Variants in PHLDB3 observed in about 807,000 individuals in gnomAD.
PHLDB3 encodes pleckstrin homology-like domain family B member 3.
PHLDB3 carries 86 observed loss-of-function variants against 85.7 expected under a neutral mutation model. That is an observed-to-expected ratio of 1.00 (90% CI 0.84 to 1.20). PHLDB3 has a LOEUF of 1.20. Among genes scored for constraint, PHLDB3 ranks in the 50% most tolerant of loss-of-function variants. The pLI, the probability that PHLDB3 is intolerant of heterozygous loss-of-function variation, is 0.00. For synonymous variants in PHLDB3, 376 were observed against 349.8 expected, an observed-to-expected ratio of 1.07 and a Z score of -0.83; for missense variants, 995 against 873.0, an observed-to-expected ratio of 1.14 and a Z score of -1.76.
intron 6 of PHLDB3, chr19:43,496,260 C>G (rs1332048028): frequency 6.6e-6 from 1 of 152,200 alleles, no homozygotes; most frequent in African/African-American, 2.4e-5. Context: ...GGTCATCTGC[C>G]TGCCTCGGCC....
chr19:43,479,659 G>A (rs1218879299), intron 13 of PHLDB3, 66 bp from the exon 14 acceptor site: 25 of 1,167,606 alleles, frequency 2.1e-5, no homozygotes, highest in Non-Finnish European at 2.8e-5. Flanking sequence ...GGAGCCCCTC[G>A]AGGGGAGCAA....
intron 9 of PHLDB3, among the ~76,000 whole-genome samples, chr19:43,488,393 G>T (rs1184404877): frequency 6.6e-6 from 1 of 152,046 alleles, no homozygotes; most frequent in Non-Finnish European, 1.5e-5. Context: ...GGAGGTCAAG[G>T]TTGCAGGGAG....
At chr19:43,501,901 C>T in intron 3 of PHLDB3, 30 bp from the exon 4 acceptor site, 1 of 1,559,596 alleles carries the variant, frequency 6.4e-7, no homozygotes, top group Non-Finnish European at 8.7e-7. Context: ...GCTGGGGGCT[C>T]GGACGCCTAG....
intron 13 of PHLDB3, among the ~76,000 whole-genome samples, chr19:43,480,925 C>A (rs1447466170): frequency 6.6e-6 from 1 of 152,132 alleles, no homozygotes; most frequent in Non-Finnish European, 1.5e-5. Flanking sequence ...CTGGTCTGAT[C>A]CAACCTATTC....
chr19:43,482,440 G>C (rs1047875343), intron 13 of PHLDB3, among the ~76,000 whole-genome samples: 1 of 152,198 alleles, frequency 6.6e-6, no homozygotes, highest in Non-Finnish European at 1.5e-5. Flanking sequence ...GATAGCAGGG[G>C]TGTACGGCAG....
intron 4 of PHLDB3, 60 bp downstream of exon 4, chr19:43,501,674 C>T: frequency 1.3e-6 from 2 of 1,553,536 alleles, no homozygotes; most frequent in Non-Finnish European, 1.7e-6. Context: ...GCTAGGAGCA[C>T]ACCAACATCC....
chr19:43,504,236 G>A, intron 1 of PHLDB3, 104 bp from the exon 2 acceptor site: 3 of 1,063,692 alleles, frequency 2.8e-6, no homozygotes, highest in Non-Finnish European at 4.0e-6. Context: ...AAGGAGGCGG[G>A]GCCTAAGAGT....
intron 13 of PHLDB3, among the ~76,000 whole-genome samples, chr19:43,485,002 TTA>T (rs976421331): frequency 2.6e-5 from 4 of 151,518 alleles, no homozygotes; most frequent in Non-Finnish European, 5.9e-5. Flanking sequence ...TGCAGAAGAC[TTA>T]TGAGAAAAAA....
intron 2 of PHLDB3, among the ~76,000 whole-genome samples, chr19:43,502,514 T>A (rs1971636227): frequency 6.7e-6 from 1 of 150,170 alleles, no homozygotes; most frequent in African/African-American, 2.5e-5. Context: ...AGTGGCGCGA[T>A]TACGGCTCAC....
In PHLDB3 at chr19:43,479,425, G is replaced by A. The variant is rs766397211; in HGVS notation, c.1654C>T (p.Arg552Ter). Residue 552 changes from arginine (R) to a stop codon, truncating the protein, a stop_gained, in exon 14 of 16, where the codon CGA becomes TGA. Transcript: ENST00000292140. LOFTEE classifies it high-confidence loss of function. Reference protein sequence around the residue: ...MGGRIKTWRKRWFCFDRQARR... With the variant: ...MGGRIKTWRK Reference sequence around the variant, plus strand: ...GCTTGGCGGTCAAAGCAGAACCATCGCTTCCTCCAGGTCTTGATGCGGCCG... The same window carrying A: ...GCTTGGCGGTCAAAGCAGAACCATCACTTCCTCCAGGTCTTGATGCGGCCG... The A allele has an allele frequency of 3.2e-5, 50 of 1,566,580 alleles. No homozygotes were observed. The highest frequency in any genetic ancestry group is 1.7e-4 in the Middle Eastern group (1 of 6,030).
chr19:43,495,800 C>T, intron 6 of PHLDB3, 180 bp from the exon 7 acceptor site: 1 of 786,720 alleles, frequency 1.3e-6, no homozygotes, highest in Non-Finnish European at 1.9e-6. Context: ...TTTTGAGGGT[C>T]CAGAAGAGAT....
At chr19:43,502,397 T>A in intron 2 of PHLDB3, 114 bp from the exon 3 acceptor site, 2 of 938,158 alleles carry the variant, frequency 2.1e-6, no homozygotes, top group Non-Finnish European at 3.1e-6. Context: ...TCAGTCCACT[T>A]ACCTAACACA....
intron 2 of PHLDB3, 106 bp downstream of exon 2, chr19:43,503,800 C>T (rs910819610): frequency 6.1e-6 from 8 of 1,319,952 alleles, no homozygotes; most frequent in African/African-American, 5.8e-5. Context: ...TCCCTGTCTC[C>T]GGGTCTCTGT....
At chr19:43,476,249 G>T (rs1355550775) in intron 15 of PHLDB3, among the ~76,000 whole-genome samples, 1 of 152,168 alleles carries the variant, frequency 6.6e-6, no homozygotes, top group African/African-American at 2.4e-5. Flanking sequence ...GTACCCACTT[G>T]CCAATCCCAA....
chr19:43,499,468 C>G (rs1011980058), intron 4 of PHLDB3, among the ~76,000 whole-genome samples: 1 of 151,826 alleles, frequency 6.6e-6, no homozygotes, highest in Non-Finnish European at 1.5e-5. Context: ...GGGCTGCGAC[C>G]GAGATTTCTG....
intron 9 of PHLDB3, among the ~76,000 whole-genome samples, chr19:43,490,610 C>T (rs1428969005): frequency 6.6e-6 from 1 of 152,134 alleles, no homozygotes; most frequent in Admixed American, 6.6e-5. Flanking sequence ...ATGTTAGCTC[C>T]ACTTCACAGA....
chr19:43,482,596 T>C (rs1683751849), intron 13 of PHLDB3, among the ~76,000 whole-genome samples: 1 of 152,158 alleles, frequency 6.6e-6, no homozygotes. Context: ...TGGAGAGCAG[T>C]GGTGTGATCT....
chr19:43,494,614 G>T, intron 9 of PHLDB3, 88 bp downstream of exon 9: 1 of 1,078,922 alleles, frequency 9.3e-7, no homozygotes. Flanking sequence ...AAGTTCTGGA[G>T]ACCCCAGTTC....
chr19:43,475,654 A>C lies in PHLDB3; in HGVS notation c.1789-110T>G, dbSNP rs1420191735. On this transcript the variant is annotated intron_variant, in intron 15 of 15. Coordinates refer to ENST00000292140, the MANE Select transcript of PHLDB3 (RefSeq NM_198850.4). Reference sequence around the variant, plus strand: ...CTGTGTGGCACTGGACAAGGTACTTAAGTATCTGAATGTCAGTTTCCCTGT... The same window carrying C: ...CTGTGTGGCACTGGACAAGGTACTTCAGTATCTGAATGTCAGTTTCCCTGT... 2.9e-6 allele frequency: 4 copies of C among 1,356,172 alleles called. No individual in the cohort carries two copies. In the African/African-American group the frequency reaches 5.8e-5, roughly 20 times the overall value. The allele number at this position is 1,356,172 out of a possible 1,614,324, so 84.0% of individuals were successfully genotyped here.
Sources: allele counts gnomAD v4.1 joint callset (sites outside exome capture counted in the v4.1 genomes callset), GRCh38; gene constraint gnomAD v4.1.1; transcripts MANE v1.5; gene names NCBI Gene and HGNC (gene_info 2026-07-23, HGNC 2026-07-21).